NELL2: variants seen among roughly 807,000 people sequenced by gnomAD.
NELL2 encodes the protein protein kinase C-binding protein NELL2.
A neutral mutation model predicts 109.6 loss-of-function variants in NELL2; 41 were observed. The ratio of observed to expected loss-of-function variants is 0.37; its 90% CI spans 0.29 to 0.49. The LOEUF is 0.49. Ranked by LOEUF, NELL2 falls within the 20% of genes least tolerant of loss-of-function variation. NELL2 has a pLI of 0.98. For missense variants in NELL2, 900 were observed against 1,008.3 expected (o/e 0.89, Z 1.45); for synonymous variants, 355 against 344.7 (o/e 1.03, Z -0.33).
At chr12:44,701,813 C>T (rs1949238271) in intron 12 of NELL2, among the ~76,000 whole-genome samples, 1 of 152,096 alleles carries the variant, frequency 6.6e-6, no homozygotes, top group Non-Finnish European at 1.5e-5. Flanking sequence ...CACAATAGTT[C>T]ATCTATCACA....
intron 15 of NELL2, among the ~76,000 whole-genome samples, chr12:44,566,566 C>CAGAG (rs1555177218): frequency 1.2e-4 from 17 of 138,400 alleles, no homozygotes; most frequent in African/African-American, 4.4e-4. Context: ...CACACACACA[C>CAGAG]AGAGTTTTAT....
chr12:44,592,165 C>G (rs1451186308), intron 15 of NELL2, among the ~76,000 whole-genome samples: 1 of 152,246 alleles, frequency 6.6e-6, no homozygotes, highest in African/African-American at 2.4e-5. Flanking sequence ...TTTAACCTCC[C>G]TAAGCATTGG....
At chr12:44,828,344 C>T (rs1376155333) in intron 2 of NELL2, among the ~76,000 whole-genome samples, 2 of 152,058 alleles carry the variant, frequency 1.3e-5, no homozygotes, top group African/African-American at 4.8e-5. Flanking sequence ...TAGGAGAGAA[C>T]AAAAACATAC....
chr12:44,676,971 C>A (rs940524121), intron 12 of NELL2, among the ~76,000 whole-genome samples: 6 of 151,976 alleles, frequency 3.9e-5, no homozygotes, highest in Admixed American at 2.6e-4. Context: ...ACAAAAGAGA[C>A]AACTAGTAAT....
rs138499727 is a variant in NELL2, at chr12:44,524,596, A to G, written c.1805-1112T>C. On this transcript the variant is annotated intron_variant, in intron 16 of 19. Coordinates refer to ENST00000429094, the MANE Select transcript of NELL2 (RefSeq NM_001145108.2). The stretch of plus-strand genomic sequence containing the variant: ...ACATTAACTGAAGACTTGGACTAGT[A>G]AAAACTTGGCAATTTTAAATTTCTT... 8.5e-5 allele frequency among the ~76,000 whole-genome samples: 13 copies of G among 152,324 alleles called. No individual in the cohort carries two copies. The East Asian group carries it at 2.1e-3, about 25-fold the overall frequency.
At chr12:44,622,100 G>T (rs1404958900) in intron 13 of NELL2, among the ~76,000 whole-genome samples, 1 of 152,106 alleles carries the variant, frequency 6.6e-6, no homozygotes, top group African/African-American at 2.4e-5. Flanking sequence ...ACATATGGAT[G>T]AATCAATGAT....
At chr12:44,685,607 C>T (rs1048228099) in intron 12 of NELL2, among the ~76,000 whole-genome samples, 4 of 151,726 alleles carry the variant, frequency 2.6e-5, no homozygotes, top group Non-Finnish European at 4.4e-5. Flanking sequence ...TTATGGCAGC[C>T]CTGGTGGTGA....
chr12:44,871,584 TTATTCCACAC>T (rs1385537518), intron 2 of NELL2, among the ~76,000 whole-genome samples: 1 of 152,154 alleles, frequency 6.6e-6, no homozygotes, highest in Non-Finnish European at 1.5e-5. Flanking sequence ...AAACACTGTG[TTATTCCACAC>T]TATTTGGGCA....
chr12:44,624,992 G>GGGTA (rs1946189190), intron 13 of NELL2, among the ~76,000 whole-genome samples: 1 of 60,698 alleles, frequency 1.6e-5, no homozygotes, highest in Admixed American at 1.7e-4. Context: ...ATATATATGT[G>GGGTA]TGTGTATATA....
At chr12:44,680,556 AT>A (rs991547133) in intron 12 of NELL2, among the ~76,000 whole-genome samples, 86 of 152,278 alleles carry the variant, frequency 5.6e-4, no homozygotes, top group African/African-American at 2.0e-3. Context: ...CCAGGGATCT[AT>A]TTTTATATCA....
intron 2 of NELL2, among the ~76,000 whole-genome samples, chr12:44,845,247 G>C (rs993552650): frequency 1.3e-5 from 2 of 152,140 alleles, no homozygotes; most frequent in Non-Finnish European, 2.9e-5. Flanking sequence ...ATGAGCATAT[G>C]TATAAAAAGA....
intron 15 of NELL2, among the ~76,000 whole-genome samples, chr12:44,548,272 T>C (rs1203789263): frequency 1.3e-5 from 2 of 152,148 alleles, no homozygotes; most frequent in African/African-American, 2.4e-5. Flanking sequence ...TATTATGTAG[T>C]AGATTTAAGA....
chr12:44,681,610 C>T (rs1395568372), intron 12 of NELL2, among the ~76,000 whole-genome samples: 7 of 151,920 alleles, frequency 4.6e-5, no homozygotes, highest in Admixed American at 6.6e-5. Context: ...ATGTTCCCCT[C>T]CCTGTGTCCA....
chr12:44,577,601 C>T (rs1490822633), intron 15 of NELL2, among the ~76,000 whole-genome samples: 2 of 151,572 alleles, frequency 1.3e-5, no homozygotes, highest in Non-Finnish European at 2.9e-5. Context: ...CCTCAGCCTC[C>T]CGAGTAGCTG....
intron 1 of NELL2, among the ~76,000 whole-genome samples, chr12:44,893,063 G>T (rs1945554047): frequency 6.6e-6 from 1 of 152,120 alleles, no homozygotes; most frequent in Non-Finnish European, 1.5e-5. Flanking sequence ...CACAAACTGG[G>T]TGGCTTAACC....
intron 2 of NELL2, among the ~76,000 whole-genome samples, chr12:44,861,329 T>C (rs1376726380): frequency 6.6e-6 from 1 of 152,182 alleles, no homozygotes; most frequent in Admixed American, 6.5e-5. Flanking sequence ...TCACAGACTC[T>C]AGGCTGGTAC....
intron 9 of NELL2, among the ~76,000 whole-genome samples, chr12:44,744,805 T>TA (rs1425328170): frequency 6.6e-6 from 1 of 152,232 alleles, no homozygotes; most frequent in Non-Finnish European, 1.5e-5. Flanking sequence ...ATTAAGGCAA[T>TA]AATCAATAGC....
intron 12 of NELL2, among the ~76,000 whole-genome samples, chr12:44,677,945 T>C (rs1948372307): frequency 6.6e-6 from 1 of 152,034 alleles, no homozygotes; most frequent in African/African-American, 2.4e-5. Context: ...CAGTGAGATA[T>C]GTGGGTCTAG....
intron 13 of NELL2, among the ~76,000 whole-genome samples, chr12:44,639,623 T>C (rs1385213582): frequency 2.0e-5 from 3 of 152,194 alleles, no homozygotes; most frequent in Non-Finnish European, 4.4e-5. Context: ...AAGTCCACTT[T>C]ATTTTTCCAT....
Sources: allele counts gnomAD v4.1 joint callset (sites outside exome capture counted in the v4.1 genomes callset), GRCh38; gene constraint gnomAD v4.1.1; transcripts MANE v1.5; gene names NCBI Gene and HGNC (gene_info 2026-07-23, HGNC 2026-07-21).